DMD: variants seen among roughly 807,000 people sequenced by gnomAD.
DMD encodes dystrophin.
DMD carries 63 observed loss-of-function variants against 330.1 expected under a neutral mutation model. The observed-to-expected ratio is 0.19, with a 90% CI of 0.16 to 0.24. DMD has a LOEUF of 0.24. DMD is among the 10% of genes least tolerant of loss of function. The pLI, the probability that DMD is intolerant of heterozygous loss-of-function variation, is 1.00. For missense variants in DMD, 3,344 were observed against 2,684.1 expected (o/e 1.25, Z -5.43); for synonymous variants, 1,223 against 959.8 (o/e 1.27, Z -5.07).
At chrX:32,227,442 T>C (rs2097152828) in intron 43 of DMD, among the ~76,000 whole-genome samples, 1 of 105,804 alleles carries the variant, frequency 9.5e-6, no homozygotes, top group African/African-American at 3.4e-5. Flanking sequence ...TCATCTTAAG[T>C]GGAATAACTC....
intron 1 of DMD, among the ~76,000 whole-genome samples, chrX:33,189,146 G>T (rs544728350): frequency 1.8e-5 from 2 of 110,585 alleles, no homozygotes; most frequent in African/African-American, 6.6e-5. Context: ...TATCCTTCTT[G>T]CTGCTAGAAC....
rs1426412202 is a variant in DMD at position 31,459,046 on chromosome X, A to G, written c.8938-14419T>C. 7.2e-5 allele frequency among the ~76,000 whole-genome samples: 8 copies of G among 111,462 alleles called. No homozygotes were observed. The Admixed American group carries it at 7.7e-4, about 11-fold the overall frequency. ...ATTGGATAACCTTTGTGGAGATTCTAGTATATTGGGTTTGTGAAAGTCTAA... is the reference window on the plus strand; with the variant it reads ...ATTGGATAACCTTTGTGGAGATTCTGGTATATTGGGTTTGTGAAAGTCTAA... On this transcript the variant is annotated intron_variant, in intron 59 of 78. Transcript: ENST00000357033.
At chrX:31,511,316 A>T (rs1204058133) in intron 55 of DMD, among the ~76,000 whole-genome samples, 1 of 76,447 alleles carries the variant, frequency 1.3e-5, no homozygotes, top group Non-Finnish European at 2.6e-5. Context: ...ATCATTTTTT[A>T]TTTATTTATT....
chrX:33,012,143 A>C (rs1419034009), intron 2 of DMD, among the ~76,000 whole-genome samples: 5 of 111,796 alleles, frequency 4.5e-5, no homozygotes, highest in Non-Finnish European at 5.7e-5. Flanking sequence ...AAACAGTGAG[A>C]CCTATCACAA....
intron 7 of DMD, among the ~76,000 whole-genome samples, chrX:32,782,858 C>T (rs1379580280): frequency 1.9e-5 from 2 of 106,474 alleles, no homozygotes; most frequent in African/African-American, 6.8e-5. Context: ...TCTCACGTAC[C>T]ATATATATAT....
intron 7 of DMD, among the ~76,000 whole-genome samples, chrX:32,804,666 G>A (rs2076825109): frequency 1.8e-5 from 2 of 112,446 alleles, no homozygotes; most frequent in Non-Finnish European, 3.8e-5. Context: ...TGACCCCCGT[G>A]CCTCCTGCCT....
At chrX:31,644,345 AAC>A (rs922236271) in intron 54 of DMD, among the ~76,000 whole-genome samples, 19 of 111,354 alleles carry the variant, frequency 1.7e-4, no homozygotes, top group Middle Eastern at 4.6e-3. Context: ...GCAATGTAAA[AAC>A]ACACACACAC....
chrX:31,490,301 G>A (rs1330159927), intron 57 of DMD, among the ~76,000 whole-genome samples: 1 of 112,249 alleles, frequency 8.9e-6, no homozygotes, highest in East Asian at 2.8e-4. Context: ...GGTGGCTCAC[G>A]CCTGTAATCC....
chrX:31,755,614 AAC>A (rs907830759), intron 51 of DMD, among the ~76,000 whole-genome samples: 2 of 110,618 alleles, frequency 1.8e-5, no homozygotes, highest in Admixed American at 1.9e-4. Flanking sequence ...GGCAATTCAT[AAC>A]ACCACGTAAG....
chrX:32,631,417 G>A (rs758640350), intron 11 of DMD, among the ~76,000 whole-genome samples: 11 of 111,617 alleles, frequency 9.9e-5, no homozygotes, highest in Non-Finnish European at 1.9e-5. Flanking sequence ...TTCACTTCAG[G>A]GTAGCAATTT....
At chrX:32,534,612 T>C (rs2047784149) in intron 17 of DMD, among the ~76,000 whole-genome samples, 1 of 111,465 alleles carries the variant, frequency 9.0e-6, no homozygotes, top group Non-Finnish European at 1.9e-5. Flanking sequence ...GTTGCAGGTA[T>C]TTCTTTATAA....
At chrX:31,807,641 T>C (rs2092332151) in intron 50 of DMD, among the ~76,000 whole-genome samples, 1 of 112,191 alleles carries the variant, frequency 8.9e-6, no homozygotes, top group Non-Finnish European at 1.9e-5. Flanking sequence ...GCTTCAAAGG[T>C]ACTACTACTT....
intron 59 of DMD, among the ~76,000 whole-genome samples, chrX:31,458,790 C>T (rs1297536913): frequency 1.8e-5 from 2 of 110,006 alleles, no homozygotes; most frequent in Non-Finnish European, 3.8e-5. Context: ...GGTCAGATTT[C>T]ACCAAGACCC....
intron 44 of DMD, among the ~76,000 whole-genome samples, chrX:31,991,761 T>TTAA (rs35842948): frequency 3.4e-5 from 3 of 88,744 alleles, no homozygotes; most frequent in Non-Finnish European, 6.6e-5. Context: ...TTACAGACTT[T>TTAA]AAAAAAAAAA....
chrX:31,631,077 G>A (rs764824352), intron 54 of DMD, among the ~76,000 whole-genome samples: 4 of 111,329 alleles, frequency 3.6e-5, no homozygotes, highest in African/African-American at 1.3e-4. Flanking sequence ...CACCAGCAAC[G>A]TCTGAGAAGT....
At chrX:31,667,910 T>G (rs2081521552) in intron 53 of DMD, among the ~76,000 whole-genome samples, 1 of 112,136 alleles carries the variant, frequency 8.9e-6, no homozygotes, top group Admixed American at 9.5e-5. Context: ...ATTCCAAGCA[T>G]TCTTCATCTT....
intron 73 of DMD, among the ~76,000 whole-genome samples, chrX:31,171,772 AT>A (rs1164114165): frequency 2.7e-5 from 3 of 111,747 alleles, no homozygotes; most frequent in African/African-American, 9.7e-5. Context: ...GGGTTGGCTT[AT>A]CATCCTGCTA....
intron 11 of DMD, among the ~76,000 whole-genome samples, chrX:32,630,689 C>A (rs1166919450): frequency 9.0e-6 from 1 of 111,232 alleles, no homozygotes; most frequent in Non-Finnish European, 1.9e-5. Context: ...TATTTCAATC[C>A]CTTTGTTAAA....
intron 7 of DMD, among the ~76,000 whole-genome samples, chrX:32,704,689 C>G (rs1466494429): frequency 8.9e-6 from 1 of 111,938 alleles, no homozygotes; most frequent in African/African-American, 3.2e-5. Context: ...GCATCAACCT[C>G]CCCACAGGGT....
Sources: allele counts gnomAD v4.1 joint callset (sites outside exome capture counted in the v4.1 genomes callset), GRCh38; gene constraint gnomAD v4.1.1; transcripts MANE v1.5; gene names NCBI Gene and HGNC (gene_info 2026-07-23, HGNC 2026-07-21).